NAALADL2: variants seen among roughly 807,000 people sequenced by gnomAD.
NAALADL2 encodes the protein N-acetylated alpha-linked acidic dipeptidase like 2, also known as inactive N-acetylated-alpha-linked acidic dipeptidase-like protein 2.
A neutral mutation model predicts 87.2 loss-of-function variants in NAALADL2; 76 were observed. That is an observed-to-expected ratio of 0.87 (90% CI 0.72 to 1.05). NAALADL2 has a LOEUF of 1.05. Among genes scored for constraint, NAALADL2 ranks in the 50% least tolerant of loss-of-function variants. The pLI is 0.00. For missense variants in NAALADL2, 1,089 were observed against 945.8 expected, an observed-to-expected ratio of 1.15 and a Z score of -1.99; for synonymous variants, 354 against 331.0, an observed-to-expected ratio of 1.07 and a Z score of -0.75.
chr3:175,199,844 ATATATATATATATATATATATTTTTTTTT>A (rs1739630491), intron 2 of NAALADL2, among the ~76,000 whole-genome samples: 4 of 15,830 alleles, frequency 2.5e-4, no homozygotes, highest in African/African-American at 8.7e-4. Context: ...ATATATATAT[ATATATATATATATATATATATTTTTTTTT>A]TTTTTTTTTT....
At chr3:175,014,554 G>A (rs148670154) in intron 1 of NAALADL2, among the ~76,000 whole-genome samples, 2 of 152,200 alleles carry the variant, frequency 1.3e-5, no homozygotes, top group African/African-American at 4.8e-5. Context: ...AATAATTGAT[G>A]CAAACCATTT....
In NAALADL2 at chr3:175,455,907, C is replaced by T. The variant is rs553889654; in HGVS notation, c.1235-7494C>T. ...AAGTTATTTTCTAGAGCCAGGTGGA[C>T]AAGAAAGGGACTCAAGTATATATAA... is the stretch of plus-strand genomic sequence containing the variant. On this transcript the variant is annotated intron_variant, in intron 6 of 13. Coordinates refer to ENST00000454872, the MANE Select transcript of NAALADL2 (RefSeq NM_207015.3). Among the ~76,000 whole-genome samples, 8 of 151,960 alleles carry T rather than the reference C, an allele frequency of 5.3e-5. No homozygotes were observed. The East Asian group carries it at 1.2e-3, about 22-fold the overall frequency.
At chr3:174,722,280 C>T (rs966126368) in intron 2 of NAALADL2, among the ~76,000 whole-genome samples, 1 of 152,176 alleles carries the variant, frequency 6.6e-6, no homozygotes, top group Non-Finnish European at 1.5e-5. Flanking sequence ...CTTTTCATTT[C>T]CTGAGAGATC....
At chr3:175,648,934 T>C (rs777478619) in intron 11 of NAALADL2, among the ~76,000 whole-genome samples, 1 of 152,184 alleles carries the variant, frequency 6.6e-6, no homozygotes, top group Non-Finnish European at 1.5e-5. Context: ...AAGTATTTAG[T>C]TCAGAAATAA....
chr3:175,159,050 A>G (rs1216035895), intron 2 of NAALADL2, among the ~76,000 whole-genome samples: 3 of 152,170 alleles, frequency 2.0e-5, no homozygotes, highest in Non-Finnish European at 4.4e-5. Context: ...AGATAAAGGA[A>G]AAAGCATATT....
At chr3:174,611,147 A>G (rs1719816235) in intron 2 of NAALADL2, among the ~76,000 whole-genome samples, 1 of 122,364 alleles carries the variant, frequency 8.2e-6, no homozygotes, top group Admixed American at 1.0e-4. Flanking sequence ...GGGGAACATC[A>G]TACTCTGGGG....
chr3:175,365,047 G>C (rs563735539), intron 5 of NAALADL2, among the ~76,000 whole-genome samples: 1 of 147,658 alleles, frequency 6.8e-6, no homozygotes, highest in Non-Finnish European at 1.5e-5. Flanking sequence ...ATATAGCACA[G>C]CTTTCCATAT....
At chr3:175,641,376 C>T (rs998900098) in intron 11 of NAALADL2, among the ~76,000 whole-genome samples, 45 of 152,088 alleles carry the variant, frequency 3.0e-4, no homozygotes, top group African/African-American at 1.1e-3. Flanking sequence ...TTCCCTTTTT[C>T]CGTCCTTCAG....
intron 2 of NAALADL2, among the ~76,000 whole-genome samples, chr3:174,690,889 C>A (rs1333179526): frequency 6.6e-6 from 1 of 152,068 alleles, no homozygotes; most frequent in East Asian, 1.9e-4. Flanking sequence ...GAACGTATGG[C>A]ATGACAACTG....
At chr3:174,752,869 T>C (rs532097406) in intron 3 of NAALADL2, among the ~76,000 whole-genome samples, 1 of 152,340 alleles carries the variant, frequency 6.6e-6, no homozygotes, top group Admixed American at 6.5e-5. Context: ...GCATGGCATC[T>C]TCTGCTACAG....
chr3:174,563,127 A>G (rs1383349202), intron 2 of NAALADL2, among the ~76,000 whole-genome samples: 4 of 151,950 alleles, frequency 2.6e-5, no homozygotes, highest in Non-Finnish European at 5.9e-5. Context: ...TGGATTTTCC[A>G]CATGAAAGAG....
intron 2 of NAALADL2, among the ~76,000 whole-genome samples, chr3:174,615,714 C>G (rs1391335896): frequency 6.6e-6 from 1 of 152,090 alleles, no homozygotes; most frequent in African/African-American, 2.4e-5. Context: ...CTGCCTCTCT[C>G]TTTCTCTTGC....
At chr3:175,569,983 C>T (rs1251197320) in intron 9 of NAALADL2, among the ~76,000 whole-genome samples, 1 of 152,086 alleles carries the variant, frequency 6.6e-6, no homozygotes, top group Non-Finnish European at 1.5e-5. Context: ...GTTATGGTGG[C>T]TGACAAGCCC....
chr3:175,049,798 T>C (rs1425156159), intron 1 of NAALADL2, among the ~76,000 whole-genome samples: 1 of 152,226 alleles, frequency 6.6e-6, no homozygotes, highest in Non-Finnish European at 1.5e-5. Flanking sequence ...CTCTGGATTC[T>C]GTAATAGAGG....
At chr3:174,578,781 G>T (rs1715832188) in intron 2 of NAALADL2, among the ~76,000 whole-genome samples, 2 of 151,198 alleles carry the variant, frequency 1.3e-5, no homozygotes, top group South Asian at 4.2e-4. Context: ...TCATAATTTG[G>T]GTATACTCAG....
intron 1 of NAALADL2, among the ~76,000 whole-genome samples, chr3:174,984,906 AC>A (rs67809408): frequency 0.094 from 14,274 of 152,142 alleles, 1,557 homozygotes; most frequent in African/African-American, 0.26. Context: ...TGTACCTCTA[AC>A]CCATCAATAG....
At chr3:174,825,543 G>A (rs1006938240) in intron 3 of NAALADL2, among the ~76,000 whole-genome samples, 1 of 152,176 alleles carries the variant, frequency 6.6e-6, no homozygotes. Flanking sequence ...ATGCCAGTCT[G>A]TTCCAGAAAT....
At chr3:174,580,832 T>G (rs1256482571) in intron 2 of NAALADL2, among the ~76,000 whole-genome samples, 2 of 152,134 alleles carry the variant, frequency 1.3e-5, no homozygotes, top group African/African-American at 4.8e-5. Context: ...CACTTCCATT[T>G]CTCTCAGGGA....
chr3:175,252,663 T>C (rs550375027), intron 3 of NAALADL2, among the ~76,000 whole-genome samples: 56 of 152,268 alleles, frequency 3.7e-4, no homozygotes, highest in Admixed American at 3.1e-3. Flanking sequence ...AAAGCCAAGA[T>C]AGGTCACAAG....
Sources: gnomAD v4.1 joint callset for allele counts (sites outside exome capture counted in the v4.1 genomes callset) on GRCh38, gnomAD v4.1.1 for gene constraint, MANE v1.5 for transcripts, NCBI Gene and HGNC (gene_info 2026-07-23, HGNC 2026-07-21) for gene names.